The following RETREG1 variants were observed in gnomAD, a reference collection of about 807,000 sequenced individuals.
RETREG1 encodes reticulophagy regulator 1.
Under a neutral mutation model 54.8 loss-of-function variants are expected in RETREG1, and 44 were observed. The observed-to-expected ratio is 0.80, with a 90% CI of 0.63 to 1.03. The LOEUF is 1.03. Among genes scored for constraint, RETREG1 ranks in the 50% least tolerant of loss-of-function variants. The pLI is 0.00. For synonymous variants in RETREG1, 217 were observed against 238.5 expected (o/e 0.91, Z 0.83); for missense variants, 554 against 605.1 (o/e 0.92, Z 0.89).
intron 5 of RETREG1, 122 bp from the exon 6 acceptor site, chr5:16,479,109 C>T: frequency 2.1e-6 from 2 of 937,784 alleles, no homozygotes; most frequent in Non-Finnish European, 3.3e-6. Flanking sequence ...AAGGGAAATG[C>T]CATTGTGAAA....
intron 2 of RETREG1, 94 bp downstream of exon 2, chr5:16,571,902 C>A: frequency 1.1e-6 from 1 of 891,210 alleles, no homozygotes; most frequent in South Asian, 1.4e-5. Flanking sequence ...TGCTTCTGTT[C>A]AAAGGACTAA....
intron 3 of RETREG1, 58 bp from the exon 4 acceptor site, chr5:16,483,530 T>A: frequency 6.3e-7 from 1 of 1,585,464 alleles, no homozygotes; most frequent in Non-Finnish European, 8.6e-7. Flanking sequence ...ATTCAACATT[T>A]ATGGCTTTGG....
In RETREG1 at chr5:16,590,914, AACAC is replaced by A. The variant is rs576410281; in HGVS notation, c.321-18816_321-18813del. 1.7e-3 allele frequency among the ~76,000 whole-genome samples: 250 copies of A among 151,392 alleles called. 1 individual carries two copies. The highest frequency in any genetic ancestry group is 5.9e-3 in the African/African-American group (243 of 41,272). ...ACACACACATGCACAAACACAAAAA[AACAC>A]ACACATGCAAATATACCCACACACG... On this transcript the variant is annotated intron_variant, in intron 1 of 8. Coordinates refer to ENST00000306320, the MANE Select transcript of RETREG1 (RefSeq NM_001034850.3).
intron 3 of RETREG1, among the ~76,000 whole-genome samples, chr5:16,518,045 G>A (rs891182594): frequency 1.3e-5 from 2 of 149,540 alleles, no homozygotes; most frequent in Non-Finnish European, 3.0e-5. Context: ...TCTCATTCAT[G>A]TGAAATATAC....
chr5:16,502,876 G>A (rs531961421), intron 3 of RETREG1, among the ~76,000 whole-genome samples: 13 of 152,312 alleles, frequency 8.5e-5, no homozygotes, highest in South Asian at 8.3e-4. Flanking sequence ...GCAGCAAGAC[G>A]CTCTAATGGA....
rs60303578 is a variant in RETREG1 at position 16,499,381 on chromosome 5, C to T, written c.459-15909G>A. The stretch of plus-strand genomic sequence containing the variant: ...AAACATATATGTGCCATATAATTTG[C>T]GATTCCTGGAGAGAATGTTCTAAGC... On this transcript the variant is annotated intron_variant, in intron 3 of 8. Coordinates refer to ENST00000306320, the MANE Select transcript of RETREG1 (RefSeq NM_001034850.3). Among the ~76,000 whole-genome samples the T allele has an allele frequency of 6.5e-4, 99 of 152,292 alleles. No individual in the cohort carries two copies. The East Asian group carries it at 9.8e-3, about 15-fold the overall frequency.
intron 1 of RETREG1, among the ~76,000 whole-genome samples, chr5:16,596,354 C>T (rs2126350486): frequency 6.6e-6 from 1 of 152,272 alleles, no homozygotes; most frequent in African/African-American, 2.4e-5. Context: ...TGAAATCTGC[C>T]ACTCCAGAGG....
intron 3 of RETREG1, among the ~76,000 whole-genome samples, chr5:16,523,569 A>C (rs1205739398): frequency 6.6e-6 from 1 of 152,048 alleles, no homozygotes; most frequent in Non-Finnish European, 1.5e-5. Flanking sequence ...TAACTTGATC[A>C]CTTGGATAAA....
intron 3 of RETREG1, among the ~76,000 whole-genome samples, chr5:16,529,784 A>G (rs534004328): frequency 3.7e-4 from 57 of 152,304 alleles, no homozygotes; most frequent in African/African-American, 1.3e-3. Flanking sequence ...GAATGGGGGT[A>G]GAAAGTGAAA....
At chr5:16,574,424 G>A (rs1175439398) in intron 1 of RETREG1, among the ~76,000 whole-genome samples, 2 of 152,202 alleles carry the variant, frequency 1.3e-5, no homozygotes, top group African/African-American at 4.8e-5. Context: ...GGGGTAGGGA[G>A]GAAGCATGGA....
At chr5:16,518,795 A>T (rs1289220260) in intron 3 of RETREG1, among the ~76,000 whole-genome samples, 2 of 152,202 alleles carry the variant, frequency 1.3e-5, no homozygotes, top group Admixed American at 1.3e-4. Flanking sequence ...CTGAAAGAAT[A>T]CAAGAAAGAA....
chr5:16,547,717 A>C (rs2126612914), intron 3 of RETREG1, among the ~76,000 whole-genome samples: 1 of 152,234 alleles, frequency 6.6e-6, no homozygotes, highest in East Asian at 1.9e-4. Flanking sequence ...GGTTTTACAA[A>C]CCCCTTTAGC....
chr5:16,587,711 A>C (rs1742659524), intron 1 of RETREG1, among the ~76,000 whole-genome samples: 1 of 152,222 alleles, frequency 6.6e-6, no homozygotes, highest in Non-Finnish European at 1.5e-5. Context: ...GCTGTAGAAG[A>C]TGATTTTGCT....
chr5:16,526,075 G>A (rs1401386836), intron 3 of RETREG1, among the ~76,000 whole-genome samples: 1 of 152,208 alleles, frequency 6.6e-6, no homozygotes, highest in African/African-American at 2.4e-5. Context: ...CATCTACACT[G>A]GTGTGTGACC....
chr5:16,515,874 A>T (rs1395087916), intron 3 of RETREG1, among the ~76,000 whole-genome samples: 2 of 152,176 alleles, frequency 1.3e-5, no homozygotes, highest in Non-Finnish European at 2.9e-5. Context: ...ACCATGGCAG[A>T]CCAAGAGCAA....
chr5:16,616,786 GCCCGCGGCCTCCTCCACCTGCAAC>G lies in RETREG1; in HGVS notation c.162_185del (p.Leu55_Gly62del). 1.3e-6 allele frequency: 2 copies of G among 1,530,074 alleles called. No individual in the cohort carries two copies. Among genetic ancestry groups the G allele is most frequent in the Non-Finnish European group, 1.7e-6 (2 of 1,145,136 alleles). The allele number at this position is 1,530,074 out of a possible 1,614,324, so 94.8% of individuals were successfully genotyped here. Reference sequence around the variant, plus strand: ...GCCAGGTTACCGCGGCCGCCGCCCGGCCCGCGGCCTCCTCCACCTGCAACCCCGCGCCCTCCGCCGCCCCAGCTT... The same window carrying G: ...GCCAGGTTACCGCGGCCGCCGCCCGGCCCGCGCCCTCCGCCGCCCCAGCTT... On this transcript the variant is annotated inframe_deletion, in exon 1 of 9. Transcript: ENST00000306320.
chr5:16,519,728 G>A (rs1021342288), intron 3 of RETREG1, among the ~76,000 whole-genome samples: 3 of 152,112 alleles, frequency 2.0e-5, no homozygotes, highest in African/African-American at 7.2e-5. Context: ...CCAGTCTAAC[G>A]CAGACACTGC....
At chr5:16,562,564 G>A (rs1381133606) in intron 3 of RETREG1, among the ~76,000 whole-genome samples, 1 of 152,148 alleles carries the variant, frequency 6.6e-6, no homozygotes, top group Non-Finnish European at 1.5e-5. Flanking sequence ...AACCAACTTA[G>A]AGATACCTGA....
rs560973035 is a variant in RETREG1 at position 16,581,506 on chromosome 5, CTTT to C, written c.321-9407_321-9405del. On this transcript the variant is annotated intron_variant, in intron 1 of 8. Transcript: ENST00000306320. ...TAAAGGCTTTTTTATCCTTAAAATACTTTTTAAGTTCAGAAACACAACACACAC... is the reference window on the plus strand; with the variant it reads ...TAAAGGCTTTTTTATCCTTAAAATACTTAAGTTCAGAAACACAACACACAC... Among the ~76,000 whole-genome samples the C allele has an allele frequency of 7.8e-5, 11 of 141,482 alleles. No homozygotes were observed. The South Asian group carries it at 2.4e-3, about 31-fold the overall frequency. The allele number at this position is 141,482 out of a possible 152,430, so 92.8% of individuals were successfully genotyped here. A position where few individuals can be genotyped will look rare whatever the true frequency, so the allele number is the denominator to read the frequency against.
Sources: allele counts gnomAD v4.1 joint callset (sites outside exome capture counted in the v4.1 genomes callset), GRCh38; gene constraint gnomAD v4.1.1; transcripts MANE v1.5; gene names NCBI Gene and HGNC (gene_info 2026-07-23, HGNC 2026-07-21).